ENOX2: variants seen among roughly 807,000 people sequenced by gnomAD.
The protein encoded by ENOX2 is APK1 antigen.
ENOX2 carries 36 observed loss-of-function variants against 45.0 expected under a neutral mutation model. The observed-to-expected ratio is 0.80, with a 90% CI of 0.61 to 1.06. The LOEUF is 1.06. Ranked by LOEUF, ENOX2 falls within the 50% of genes least tolerant of loss-of-function variation. ENOX2 has a pLI of 0.00. For missense variants in ENOX2, 423 were observed against 462.5 expected (o/e 0.91, Z 0.78); for synonymous variants, 174 against 152.3 (o/e 1.14, Z -1.05).
At chrX:130,810,180 A>G (rs1414738949) in intron 2 of ENOX2, among the ~76,000 whole-genome samples, 1 of 110,780 alleles carries the variant, frequency 9.0e-6, no homozygotes, top group Non-Finnish European at 1.9e-5. Context: ...CCCCAACACC[A>G]GGCTGCCTCA....
At chrX:130,709,214 A>G (rs776967073) in intron 3 of ENOX2, 1 of 1,164,588 alleles carries the variant, frequency 8.6e-7, no homozygotes, top group East Asian at 3.0e-5. Context: ...CTCTACAAGA[A>G]CTCAGCAACT....
intron 5 of ENOX2, 73 bp downstream of exon 5, chrX:130,688,790 T>C: frequency 2.3e-6 from 2 of 872,871 alleles, no homozygotes; most frequent in South Asian, 2.8e-5. Context: ...TTGGGTATTC[T>C]TTTGAGAAAG....
chrX:130,645,986 A>G, intron 10 of ENOX2: 1 of 632,374 alleles, frequency 1.6e-6, no homozygotes, highest in Non-Finnish European at 2.7e-6. Context: ...TCACGGATGA[A>G]CTCAGCTACG....
chrX:130,771,765 T>C (rs1443888071), intron 3 of ENOX2, among the ~76,000 whole-genome samples: 3 of 111,888 alleles, frequency 2.7e-5, no homozygotes, highest in African/African-American at 9.7e-5. Context: ...TAGAAAGCAG[T>C]GGGGCATAAT....
At chrX:130,720,662 G>A (rs747637887) in intron 3 of ENOX2, among the ~76,000 whole-genome samples, 1 of 112,035 alleles carries the variant, frequency 8.9e-6, no homozygotes, top group African/African-American at 3.3e-5. Context: ...TCCACCAGGG[G>A]TAATATTTTC....
At position 130,814,009 on chromosome X, in the gene ENOX2, G is replaced by A. The variant is rs184364049; in HGVS notation, c.-182-30319C>T. Among the ~76,000 whole-genome samples the A allele has an allele frequency of 2.7e-5, 3 of 112,362 alleles. No homozygotes were observed. In the East Asian group the frequency reaches 8.5e-4, roughly 32 times the overall value. On this transcript the variant is annotated intron_variant, in intron 2 of 14. Coordinates refer to ENST00000394363, the MANE Select transcript of ENOX2 (RefSeq NM_006375.4). Reference sequence around the variant, plus strand: ...GATCCACTGGCTTGAAATTCTCGCTGCTAGCACAGCAGTCTGAAGTTGACC... The same window carrying A: ...GATCCACTGGCTTGAAATTCTCGCTACTAGCACAGCAGTCTGAAGTTGACC...
chrX:130,652,160 T>C (rs1223460864), intron 10 of ENOX2, among the ~76,000 whole-genome samples: 1 of 112,244 alleles, frequency 8.9e-6, no homozygotes, highest in Non-Finnish European at 1.9e-5. Context: ...TTGCCCAGCA[T>C]TGTTTCTCTC....
intron 2 of ENOX2, among the ~76,000 whole-genome samples, chrX:130,807,452 A>T (rs1030686572): frequency 2.7e-5 from 3 of 111,327 alleles, no homozygotes; most frequent in African/African-American, 9.8e-5. Context: ...GTTGGCAGGG[A>T]CCTTGGCAGT....
At chrX:130,864,603 T>C (rs1294214456) in intron 2 of ENOX2, among the ~76,000 whole-genome samples, 1 of 112,462 alleles carries the variant, frequency 8.9e-6, no homozygotes, top group Non-Finnish European at 1.9e-5. Flanking sequence ...ATGTAAGTAG[T>C]TTATGAGGGA....
Position 130,635,103 on chromosome X carries a change from G to GACC in ENOX2, c.1312-15_1312-13dup, listed in dbSNP as rs775093855. ...ACTTTGAGTAGATGCTACAAGAAAA[G>GACC]ACCAAAGACAATCAATTTATGAATT... On this transcript the variant is annotated splice_polypyrimidine_tract_variant and intron_variant, in intron 11 of 14. Transcript: ENST00000394363. The GACC allele has an allele frequency of 1.0e-6, 1 of 971,338 alleles. No individual in the cohort carries two copies. The highest frequency in any genetic ancestry group is 2.1e-5 in the South Asian group (1 of 46,942). The allele number at this position is 971,338 out of a possible 1,213,427, so 80.0% of individuals were successfully genotyped here.
At chrX:130,708,626 T>C (rs1011298331) in intron 3 of ENOX2, among the ~76,000 whole-genome samples, 8 of 112,499 alleles carry the variant, frequency 7.1e-5, no homozygotes, top group African/African-American at 2.6e-4. Flanking sequence ...AAATTGCTTA[T>C]TCCTCCTTGT....
intron 2 of ENOX2, among the ~76,000 whole-genome samples, chrX:130,887,346 T>C (rs1391029988): frequency 9.0e-6 from 1 of 110,543 alleles, no homozygotes; most frequent in East Asian, 2.8e-4. Context: ...ACCCCCACTA[T>C]ACCCTATCCC....
chrX:130,739,671 C>T (rs752631594), intron 3 of ENOX2, among the ~76,000 whole-genome samples: 1 of 112,298 alleles, frequency 8.9e-6, no homozygotes, highest in Admixed American at 9.4e-5. Context: ...ATTACTATCG[C>T]CATCTACCTG....
chrX:130,755,907 C>T (rs2039343179), intron 3 of ENOX2, among the ~76,000 whole-genome samples: 1 of 110,791 alleles, frequency 9.0e-6, no homozygotes. Flanking sequence ...GGTAACCATC[C>T]GTCTACTCAC....
intron 8 of ENOX2, among the ~76,000 whole-genome samples, 178 bp downstream of exon 8, chrX:130,667,352 T>C (rs1227918269): frequency 1.8e-5 from 2 of 111,661 alleles, no homozygotes; most frequent in East Asian, 5.6e-4. Flanking sequence ...GGTGCGCACA[T>C]GTCTCCTGTG....
At chrX:130,786,822 G>A (rs2076977774) in intron 2 of ENOX2, among the ~76,000 whole-genome samples, 1 of 70,703 alleles carries the variant, frequency 1.4e-5, no homozygotes, top group Non-Finnish European at 2.6e-5. Context: ...ATTTGGGTTG[G>A]TTCCAAGTCT....
intron 2 of ENOX2, among the ~76,000 whole-genome samples, chrX:130,806,286 G>T (rs188857293): frequency 8.9e-6 from 1 of 112,150 alleles, no homozygotes; most frequent in Non-Finnish European, 1.9e-5. Flanking sequence ...ACTGCCATGT[G>T]TGACTGAGAA....
intron 5 of ENOX2, among the ~76,000 whole-genome samples, chrX:130,686,780 C>T (rs1348017253): frequency 1.8e-5 from 2 of 112,124 alleles, no homozygotes; most frequent in Non-Finnish European, 3.8e-5. Flanking sequence ...GTAATCCAAG[C>T]CCACTTTGAA....
At chrX:130,690,023 C>T (rs1191045605) in intron 4 of ENOX2, among the ~76,000 whole-genome samples, 4 of 110,915 alleles carry the variant, frequency 3.6e-5, no homozygotes, top group Non-Finnish European at 7.5e-5. Context: ...AGTCCTGAAG[C>T]TTCTTGGGGC....
Sources: gnomAD v4.1 joint callset for allele counts (sites outside exome capture counted in the v4.1 genomes callset) on GRCh38, gnomAD v4.1.1 for gene constraint, MANE v1.5 for transcripts, NCBI Gene and HGNC (gene_info 2026-07-23, HGNC 2026-07-21) for gene names.